DMD: variants seen among roughly 807,000 people sequenced by gnomAD.
The protein encoded by DMD is dystrophin, also known as mutant dystrophin.
Under a neutral mutation model 330.1 loss-of-function variants are expected in DMD, and 63 were observed. That is an observed-to-expected ratio of 0.19 (90% CI 0.16 to 0.24). The LOEUF is 0.24. DMD is among the 10% of genes least tolerant of loss of function. The pLI is 1.00. For missense variants in DMD, 3,344 were observed against 2,684.1 expected, an observed-to-expected ratio of 1.25 and a Z score of -5.43; for synonymous variants, 1,223 against 959.8, an observed-to-expected ratio of 1.27 and a Z score of -5.07.
chrX:32,706,427 G>A (rs1170977927), intron 7 of DMD, among the ~76,000 whole-genome samples: 3 of 110,122 alleles, frequency 2.7e-5, no homozygotes, highest in South Asian at 4.0e-4. Context: ...GGTGATACAC[G>A]CCTCTAATCC....
intron 43 of DMD, among the ~76,000 whole-genome samples, chrX:32,252,693 T>TAAATATATATAA (rs2097271586): frequency 6.5e-5 from 3 of 46,458 alleles, no homozygotes; most frequent in African/African-American, 2.1e-4. Flanking sequence ...TAAATATATA[T>TAAATATATATAA]ATAAATATAT....
Position 31,147,779 on chromosome X carries a change from A to G in DMD, c.10554-261T>C, listed in dbSNP as rs16989398. Among the ~76,000 whole-genome samples, 7,556 of 110,067 alleles carry G rather than the reference A, an allele frequency of 0.069. 572 individuals are homozygous for G. The highest frequency in any genetic ancestry group is 0.22 in the African/African-American group (6,682 of 30,017). ...GCCATGCTTTTCAATTTTTTATGTT[A>G]CACTAAAAGCCTCGCGACTGGTATG... On this transcript the variant is annotated intron_variant, in intron 74 of 78. Transcript: ENST00000357033.
chrX:32,731,807 G>A (rs1453827421), intron 7 of DMD, among the ~76,000 whole-genome samples: 2 of 111,993 alleles, frequency 1.8e-5, no homozygotes, highest in African/African-American at 3.3e-5. Context: ...CCACAAAGAT[G>A]GGGAAGAAAC....
chrX:33,040,184 G>C (rs1262505913), intron 1 of DMD, among the ~76,000 whole-genome samples: 1 of 111,246 alleles, frequency 9.0e-6, no homozygotes, highest in Non-Finnish European at 1.9e-5. Flanking sequence ...GTAAGGCGTA[G>C]GACAAGAGAT....
chrX:31,410,533 T>C (rs1471133843), intron 60 of DMD, among the ~76,000 whole-genome samples: 2 of 111,064 alleles, frequency 1.8e-5, no homozygotes, highest in Admixed American at 1.9e-4. Context: ...TAATTTTACA[T>C]GTTGGGTAAG....
chrX:32,649,559 T>TAAAAAAAAAAAAA (rs1161462889), intron 9 of DMD, among the ~76,000 whole-genome samples: 3 of 54,280 alleles, frequency 5.5e-5, no homozygotes, highest in African/African-American at 3.7e-4. Flanking sequence ...CCGTCTCTTT[T>TAAAAAAAAAAAAA]AAAAAAAAAA....
intron 7 of DMD, among the ~76,000 whole-genome samples, chrX:32,709,888 A>T (rs755741809): frequency 3.1e-4 from 35 of 111,775 alleles, no homozygotes; most frequent in African/African-American, 1.1e-3. Flanking sequence ...TTTACCAATG[A>T]CTGAGAAGTA....
Position 31,121,738 on chromosome X carries a change from AAT to A in DMD, c.*179_*180del. 1 of 692,350 alleles carries A rather than the reference AAT, an allele frequency of 1.4e-6. No homozygotes were observed. Among genetic ancestry groups the A allele is most frequent in the Admixed American group, 2.4e-5 (1 of 41,974 alleles). 57.1% of individuals were successfully genotyped at this position (692,350 alleles called of 1,213,427 possible). On this transcript the variant is annotated 3_prime_UTR_variant, in exon 79 of 79. Coordinates refer to ENST00000357033, the MANE Select transcript of DMD (RefSeq NM_004006.3). Reference sequence around the variant, plus strand: ...GTATAATACCACTACCCTTCACAAAAATATAGATTTATTTCTTGTAAACTCTT... The same window carrying A: ...GTATAATACCACTACCCTTCACAAAAATAGATTTATTTCTTGTAAACTCTT...
chrX:33,293,783 C>T (rs774250974), intron 1 of DMD, among the ~76,000 whole-genome samples: 2 of 111,644 alleles, frequency 1.8e-5, no homozygotes, highest in Non-Finnish European at 3.8e-5. Flanking sequence ...ACTGCCCAAA[C>T]GTTTTATATT....
At chrX:33,206,244 C>A in intron 1 of DMD, among the ~76,000 whole-genome samples, 1 of 112,009 alleles carries the variant, frequency 8.9e-6, no homozygotes. Context: ...ATGAGAAAAT[C>A]AATTCATCAA....
chrX:32,696,318 A>C (rs1432838351), intron 9 of DMD, among the ~76,000 whole-genome samples: 2 of 112,203 alleles, frequency 1.8e-5, no homozygotes, highest in African/African-American at 6.5e-5. Context: ...ACTACATGTA[A>C]CATCATCTTC....
At chrX:32,844,026 C>G (rs754852044) in intron 4 of DMD, among the ~76,000 whole-genome samples, 1 of 112,376 alleles carries the variant, frequency 8.9e-6, no homozygotes, top group Non-Finnish European at 1.9e-5. Context: ...TTGATTTAAA[C>G]AAACATCATT....
intron 11 of DMD, among the ~76,000 whole-genome samples, chrX:32,633,918 T>A (rs927105636): frequency 2.7e-5 from 3 of 111,473 alleles, no homozygotes; most frequent in African/African-American, 6.5e-5. Flanking sequence ...CATGATCCAA[T>A]GAGCTCCCAC....
chrX:31,287,834 T>C (rs1335761227), intron 62 of DMD, among the ~76,000 whole-genome samples: 1 of 112,189 alleles, frequency 8.9e-6, no homozygotes, highest in Non-Finnish European at 1.9e-5. Flanking sequence ...ATGGTAAATA[T>C]TTCTCATTTA....
chrX:32,265,794 C>G (rs915019300), intron 43 of DMD, among the ~76,000 whole-genome samples: 2 of 112,266 alleles, frequency 1.8e-5, no homozygotes, highest in African/African-American at 6.5e-5. Context: ...CCAATTTCTC[C>G]CATCTGGAAT....
intron 44 of DMD, among the ~76,000 whole-genome samples, chrX:32,052,066 G>T (rs911183742): frequency 4.5e-5 from 5 of 112,141 alleles, no homozygotes; most frequent in African/African-American, 1.6e-4. Context: ...ATGCTTTTCT[G>T]CAAGTGCAGT....
intron 43 of DMD, among the ~76,000 whole-genome samples, chrX:32,285,578 G>A (rs777268915): frequency 1.4e-4 from 16 of 111,266 alleles, no homozygotes; most frequent in African/African-American, 5.2e-4. Flanking sequence ...CATTTTATAA[G>A]TTTAAGTTTG....
chrX:33,322,442 A>C (rs1038809779), intron 1 of DMD, among the ~76,000 whole-genome samples: 29 of 110,905 alleles, frequency 2.6e-4, no homozygotes, highest in African/African-American at 9.5e-4. Flanking sequence ...ACATTGATTA[A>C]GTTTGTTATT....
chrX:32,721,739 T>C (rs1172757579), intron 7 of DMD, among the ~76,000 whole-genome samples: 1 of 111,282 alleles, frequency 9.0e-6, no homozygotes, highest in Non-Finnish European at 1.9e-5. Flanking sequence ...AATTTTGATG[T>C]GATATTCAAA....
Sources: allele counts gnomAD v4.1 joint callset (sites outside exome capture counted in the v4.1 genomes callset), GRCh38; gene constraint gnomAD v4.1.1; transcripts MANE v1.5; gene names NCBI Gene and HGNC (gene_info 2026-07-23, HGNC 2026-07-21).